Variants in ASH1L observed in about 807,000 individuals in gnomAD.
The protein encoded by ASH1L is ASH1 like histone lysine methyltransferase, also known as histone-lysine N-methyltransferase ASH1L.
A neutral mutation model predicts 269.0 loss-of-function variants in ASH1L; 23 were observed. The ratio of observed to expected loss-of-function variants is 0.09; its 90% CI spans 0.06 to 0.12. The LOEUF (loss-of-function observed/expected upper bound fraction) is 0.12. ASH1L is among the 10% of genes least tolerant of loss of function. ASH1L has a pLI of 1.00. For synonymous variants in ASH1L, 1,187 were observed against 1,253.5 expected (o/e 0.95, Z 1.12); for missense variants, 2,912 against 3,567.8 (o/e 0.82, Z 4.68).
At chr1:155,419,090 C>T (rs903309038) in intron 5 of ASH1L, among the ~76,000 whole-genome samples, 5 of 151,452 alleles carry the variant, frequency 3.3e-5, no homozygotes, top group Non-Finnish European at 5.9e-5. Context: ...AAAGCAGCAG[C>T]TAAAGAGAAA....
In ASH1L at chr1:155,479,095, A is replaced by C; in HGVS notation, c.3775T>G (p.Tyr1259Asp). 1 of 1,614,118 alleles carries C rather than the reference A, an allele frequency of 6.2e-7. No homozygotes were observed. The highest frequency in any genetic ancestry group is 2.2e-5 in the East Asian group (1 of 44,878). The stretch of plus-strand genomic sequence containing the variant: ...CTTTTCATCTTGTCATAGCTGAGGT[A>C]ATCATGATTCCTGCGCTTACATTTG... ...KHKCKRRNHD[Y>D]LSYDKMKRQK... The change falls in exon 3 of 28, where the codon TAC becomes GAC. Residue 1259 changes from tyrosine (Y) to aspartate (D), a missense_variant. By Grantham distance (160) the Tyr-to-Asp change is radical (BLOSUM62 -3). This residue lies in a region of ASH1L where 789 missense variants were observed against 897.6 expected (regional missense o/e 0.88). Coordinates refer to ENST00000392403, the MANE Select transcript of ASH1L (RefSeq NM_018489.3).
intron 1 of ASH1L, among the ~76,000 whole-genome samples, chr1:155,561,095 G>A (rs1444227219): frequency 6.6e-6 from 1 of 151,402 alleles, no homozygotes; most frequent in Non-Finnish European, 1.5e-5. Flanking sequence ...ATGCGGCCTT[G>A]GAGAAGTTCT....
At chr1:155,417,478 T>C in intron 5 of ASH1L, among the ~76,000 whole-genome samples, 1 of 152,178 alleles carries the variant, frequency 6.6e-6, no homozygotes, top group Admixed American at 6.6e-5. Context: ...TGAAATTCCA[T>C]ATGGCTGAAC....
intron 3 of ASH1L, among the ~76,000 whole-genome samples, chr1:155,462,124 T>A (rs1664348684): frequency 1.3e-5 from 2 of 152,100 alleles, no homozygotes; most frequent in African/African-American, 4.8e-5. Context: ...TATATAGTCT[T>A]TTCTCTCAGT....
At chr1:155,366,613 T>G (rs1409726662) in intron 12 of ASH1L, among the ~76,000 whole-genome samples, 1 of 152,222 alleles carries the variant, frequency 6.6e-6, no homozygotes, top group Non-Finnish European at 1.5e-5. Context: ...CTACAAACTT[T>G]CATAAGATTT....
rs1168841573 is a variant in ASH1L, at chr1:155,343,147, C to A, written c.8293+167G>T. The A allele has an allele frequency of 1.5e-6, 1 of 660,302 alleles. No individual in the cohort carries two copies. Among genetic ancestry groups the A allele is most frequent in the Admixed American group, 3.1e-5 (1 of 32,060 alleles). The allele number at this position is 660,302 out of a possible 1,614,324, so 40.9% of individuals were successfully genotyped here. ...CAGTAGTTGGGACTACAGGCCTACA[C>A]TGCCATGCCCAGCTACAGAGGCAGA... On this transcript the variant is annotated intron_variant, in intron 24 of 27. Coordinates refer to ENST00000392403, the MANE Select transcript of ASH1L (RefSeq NM_018489.3). The surrounding 1 kb of genome is among the most constrained non-coding windows in gnomAD (Gnocchi z 6.1).
At chr1:155,443,080 C>G (rs1219775977) in intron 4 of ASH1L, among the ~76,000 whole-genome samples, 1 of 152,156 alleles carries the variant, frequency 6.6e-6, no homozygotes, top group Non-Finnish European at 1.5e-5. Context: ...ACTATATTCA[C>G]CAAAATCACT....
At chr1:155,337,836 C>T in intron 27 of ASH1L, 85 bp from the exon 28 acceptor site, 1 of 1,309,432 alleles carries the variant, frequency 7.6e-7, no homozygotes, top group Non-Finnish European at 1.1e-6. Context: ...AGCACACGAA[C>T]TCAATGATTC....
chr1:155,373,152 G>A (rs943117070), intron 10 of ASH1L, among the ~76,000 whole-genome samples: 4 of 151,610 alleles, frequency 2.6e-5, no homozygotes, highest in Non-Finnish European at 5.9e-5. Context: ...GGCGGACGTT[G>A]CCGTGAGCTG....
rs917082969 is a variant in ASH1L at position 155,337,008 on chromosome 1, C to T, written c.*652G>A. On this transcript the variant is annotated 3_prime_UTR_variant, in exon 28 of 28. Transcript: ENST00000392403. ...AAGAACTACCGTGCCCTTCTGACCC[C>T]ATGGGGGCCTTCCCTATCCCATGAT... 6 of 152,316 alleles carry T rather than the reference C, an allele frequency of 3.9e-5. No homozygotes were observed. The highest frequency in any genetic ancestry group is 1.4e-4 in the African/African-American group (6 of 41,436). 9.4% of individuals were successfully genotyped at this position (152,316 alleles called of 1,614,324 possible).
chr1:155,420,875 CTAAAA>C (rs1023429006), intron 5 of ASH1L, among the ~76,000 whole-genome samples: 5 of 150,198 alleles, frequency 3.3e-5, no homozygotes, highest in African/African-American at 7.4e-5. Context: ...CAAAGATAAC[CTAAAA>C]TAAATGCAGT....
At chr1:155,352,336 A>T (rs958580082) in intron 17 of ASH1L, among the ~76,000 whole-genome samples, 2 of 147,636 alleles carry the variant, frequency 1.4e-5, no homozygotes, top group South Asian at 2.1e-4. Context: ...GAATGCAGAG[A>T]GTGTGATTTA....
At chr1:155,527,236 T>A (rs1669324327) in intron 1 of ASH1L, among the ~76,000 whole-genome samples, 1 of 152,006 alleles carries the variant, frequency 6.6e-6, no homozygotes, top group African/African-American at 2.4e-5. Context: ...AAATTCCTCT[T>A]GACTCCACAT....
chr1:155,502,451 T>C (rs927005303), intron 2 of ASH1L, among the ~76,000 whole-genome samples: 5 of 152,184 alleles, frequency 3.3e-5, no homozygotes, highest in Non-Finnish European at 7.3e-5. Context: ...CACTGAATTT[T>C]TGGTAATGAT....
At chr1:155,383,185 A>T (rs1657134646) in intron 7 of ASH1L, among the ~76,000 whole-genome samples, 1 of 152,236 alleles carries the variant, frequency 6.6e-6, no homozygotes, top group Non-Finnish European at 1.5e-5. Context: ...AATTAAGTTT[A>T]TAAAGTAAAA....
intron 2 of ASH1L, among the ~76,000 whole-genome samples, chr1:155,486,040 TA>T (rs1666308163): frequency 6.6e-6 from 1 of 152,216 alleles, no homozygotes; most frequent in African/African-American, 2.4e-5. Flanking sequence ...TCTCACTTTC[TA>T]AAAATCACAG....
intron 5 of ASH1L, among the ~76,000 whole-genome samples, chr1:155,434,428 G>A (rs1469421362): frequency 6.6e-6 from 1 of 150,950 alleles, no homozygotes; most frequent in Non-Finnish European, 1.5e-5. Context: ...TGGTTGGAGG[G>A]AAGGTGAAGT....
At chr1:155,375,465 T>C (rs1456195049) in intron 10 of ASH1L, among the ~76,000 whole-genome samples, 2 of 152,214 alleles carry the variant, frequency 1.3e-5, no homozygotes, top group African/African-American at 2.4e-5. Context: ...CAATTTGTCA[T>C]TATCTTTAGC....
chr1:155,365,662 T>C (rs1238474129), intron 12 of ASH1L, among the ~76,000 whole-genome samples: 2 of 152,164 alleles, frequency 1.3e-5, no homozygotes, highest in Admixed American at 6.5e-5. Flanking sequence ...AAGGCTTTGA[T>C]TGGAATGGAG....
Sources: gnomAD v4.1 joint callset for allele counts (sites outside exome capture counted in the v4.1 genomes callset) on GRCh38, gnomAD v4.1.1 for gene constraint, gnomAD v4.1.1 regional missense constraint, Gnocchi (gnomAD v3.1) non-coding constraint, MANE v1.5 for transcripts, NCBI Gene and HGNC (gene_info 2026-07-23, HGNC 2026-07-21) for gene names.